SRGAP1: variants seen among roughly 807,000 people sequenced by gnomAD.
SRGAP1 encodes SLIT-ROBO Rho GTPase-activating protein 1.
SRGAP1 carries 43 observed loss-of-function variants against 121.9 expected under a neutral mutation model. That is an observed-to-expected ratio of 0.35 (90% CI 0.28 to 0.46). SRGAP1 has a LOEUF of 0.46. Ranked by LOEUF, SRGAP1 falls within the 20% of genes least tolerant of loss-of-function variation. SRGAP1 has a pLI of 1.00. For missense variants in SRGAP1, 1,102 were observed against 1,350.9 expected (o/e 0.82, Z 2.89); for synonymous variants, 447 against 485.4 (o/e 0.92, Z 1.04).
intron 12 of SRGAP1, among the ~76,000 whole-genome samples, chr12:64,093,286 T>C (rs1224431111): frequency 6.6e-6 from 1 of 152,176 alleles, no homozygotes; most frequent in Non-Finnish European, 1.5e-5. Context: ...CATTACTTTT[T>C]GACTACAAAA....
intron 15 of SRGAP1, among the ~76,000 whole-genome samples, chr12:64,098,417 A>G (rs1469728379): frequency 6.6e-6 from 1 of 151,944 alleles, no homozygotes; most frequent in African/African-American, 2.4e-5. Flanking sequence ...ACCTATTTCA[A>G]TATAAAAGCA....
intron 3 of SRGAP1, among the ~76,000 whole-genome samples, chr12:64,009,865 G>A (rs1449054292): frequency 1.3e-5 from 2 of 152,120 alleles, no homozygotes; most frequent in South Asian, 2.1e-4. Context: ...ACCATGTCCC[G>A]TGACAGTTAG....
intron 15 of SRGAP1, among the ~76,000 whole-genome samples, chr12:64,100,926 C>T (rs996650934): frequency 4.6e-5 from 7 of 151,954 alleles, no homozygotes; most frequent in Admixed American, 2.6e-4. Context: ...AGACTTTTGA[C>T]GATTTGAACC....
chr12:63,901,624 A>G (rs1395232123), intron 1 of SRGAP1, among the ~76,000 whole-genome samples: 2 of 152,172 alleles, frequency 1.3e-5, no homozygotes, highest in African/African-American at 4.8e-5. Flanking sequence ...TGTTTTGCAC[A>G]TCTTGTTTGT....
chr12:64,125,591 C>T (rs1393535987), intron 18 of SRGAP1, among the ~76,000 whole-genome samples: 5 of 152,192 alleles, frequency 3.3e-5, no homozygotes, highest in African/African-American at 7.2e-5. Context: ...AGGAAATTCC[C>T]TCAGTGTCAT....
At chr12:64,059,906 T>A (rs1250631072) in intron 6 of SRGAP1, among the ~76,000 whole-genome samples, 1 of 152,208 alleles carries the variant, frequency 6.6e-6, no homozygotes, top group South Asian at 2.1e-4. Context: ...TTTGTAATTA[T>A]GGTGTCACAG....
At chr12:63,882,031 TTG>T (rs1788800404) in intron 1 of SRGAP1, among the ~76,000 whole-genome samples, 1 of 152,182 alleles carries the variant, frequency 6.6e-6, no homozygotes, top group Non-Finnish European at 1.5e-5. Context: ...AATATAGAGT[TTG>T]TATATATGAC....
intron 6 of SRGAP1, among the ~76,000 whole-genome samples, chr12:64,056,684 T>G (rs915039975): frequency 2.6e-5 from 4 of 152,192 alleles, no homozygotes; most frequent in East Asian, 1.9e-4. Flanking sequence ...CTGTATGAAC[T>G]GATGCCTACC....
rs199871786 is a variant in SRGAP1 at position 64,097,296 on chromosome 12, C to T, written c.1734C>T (p.Gly578=). ...ACCATGATATTAACTCAGTTGCTGGCGTTCTGAAGCTCTATTTCCGTGGGC... is the reference window on the plus strand; with the variant it reads ...ACCATGATATTAACTCAGTTGCTGGTGTTCTGAAGCTCTATTTCCGTGGGC... The part of the protein sequence containing the change: ...QSNHDINSVA[G]VLKLYFRGLE... Residue 578 remains glycine, a synonymous_variant, in exon 15 of 22, where the codon GGC becomes GGT. Transcript: ENST00000355086. The T allele has an allele frequency of 2.8e-5, 45 of 1,611,498 alleles. No individual in the cohort carries two copies. Among genetic ancestry groups the T allele is most frequent in the Middle Eastern group, 1.7e-4 (1 of 6,060 alleles).
At chr12:64,092,815 A>G (rs1262516975) in intron 12 of SRGAP1, among the ~76,000 whole-genome samples, 3 of 152,222 alleles carry the variant, frequency 2.0e-5, no homozygotes, top group Admixed American at 2.0e-4. Context: ...AAGCAGACGT[A>G]GGATTCTGTT....
At chr12:64,049,318 AC>A (rs370336994) in intron 6 of SRGAP1, among the ~76,000 whole-genome samples, 303 of 152,314 alleles carry the variant, frequency 2.0e-3, no homozygotes, top group African/African-American at 7.0e-3. Context: ...ACTGCCCAAG[AC>A]TGGGAAATTT....
In SRGAP1 at chr12:64,147,938, T is replaced by G. The variant is rs2037078749; in HGVS notation, c.*5266T>G. On this transcript the variant is annotated 3_prime_UTR_variant, in exon 22 of 22. Transcript: ENST00000355086. The stretch of plus-strand genomic sequence containing the variant: ...TTGACAGCTAGCTTGCATTAAATAA[T>G]GTGAAACTTTTACCTTTAAAATATT... 2.9e-6 allele frequency: 1 copy of G among 339,200 alleles called. No homozygotes were observed. Among genetic ancestry groups the G allele is most frequent in the Non-Finnish European group, 5.3e-6 (1 of 189,452 alleles). The allele number at this position is 339,200 out of a possible 1,614,324, so 21.0% of individuals were successfully genotyped here.
At chr12:64,080,651 C>T (rs142784604) in intron 10 of SRGAP1, 82 of 473,834 alleles carry the variant, frequency 1.7e-4, no homozygotes, top group Non-Finnish European at 2.3e-4. Context: ...TGCTCCTGAT[C>T]GTAGAAAAGT....
intron 1 of SRGAP1, among the ~76,000 whole-genome samples, chr12:63,953,672 A>G (rs559494474): frequency 6.6e-6 from 1 of 151,986 alleles, no homozygotes; most frequent in African/African-American, 2.4e-5. Context: ...CTCCCAAAGC[A>G]CTGGAATTAC....
At chr12:63,890,032 C>T (rs1025747575) in intron 1 of SRGAP1, among the ~76,000 whole-genome samples, 14 of 152,168 alleles carry the variant, frequency 9.2e-5, no homozygotes, top group Middle Eastern at 3.2e-3. Context: ...TGGTCTGTAG[C>T]TTCTTTCCTT....
At chr12:64,090,712 C>A (rs1013823161) in intron 11 of SRGAP1, among the ~76,000 whole-genome samples, 2 of 152,056 alleles carry the variant, frequency 1.3e-5, no homozygotes, top group African/African-American at 4.8e-5. Context: ...TGATGGCATG[C>A]GCCTGTAGTC....
At chr12:63,861,524 C>G (rs1432048075) in intron 1 of SRGAP1, among the ~76,000 whole-genome samples, 3 of 152,028 alleles carry the variant, frequency 2.0e-5, no homozygotes, top group Non-Finnish European at 2.9e-5. Flanking sequence ...GCCTTGAACT[C>G]CTGACCTCAA....
intron 6 of SRGAP1, among the ~76,000 whole-genome samples, chr12:64,057,901 C>T (rs2035373317): frequency 6.6e-6 from 1 of 152,180 alleles, no homozygotes; most frequent in Non-Finnish European, 1.5e-5. Context: ...CCAGTGCAAC[C>T]CTGGTGAACG....
intron 3 of SRGAP1, among the ~76,000 whole-genome samples, chr12:64,010,703 T>G (rs1314284997): frequency 4.6e-5 from 7 of 152,074 alleles, no homozygotes; most frequent in African/African-American, 1.7e-4. Flanking sequence ...GTGACAAGCC[T>G]GCTAGCAACA....
Sources: allele counts gnomAD v4.1 joint callset (sites outside exome capture counted in the v4.1 genomes callset), GRCh38; gene constraint gnomAD v4.1.1; transcripts MANE v1.5; gene names NCBI Gene and HGNC (gene_info 2026-07-23, HGNC 2026-07-21).